Variants in MEI4 observed in about 807,000 individuals in gnomAD.
MEI4 encodes the protein meiosis-specific protein MEI4.
In MEI4, 27 loss-of-function variants were observed where a neutral mutation model predicts 31.4. The ratio of observed to expected loss-of-function variants is 0.86; its 90% CI spans 0.63 to 1.19. The LOEUF (loss-of-function observed/expected upper bound fraction) is 1.19. MEI4 is among the 50% of genes most tolerant of loss of function. The pLI is 0.00. For missense variants in MEI4, 329 were observed against 398.9 expected (o/e 0.82, Z 1.49); for synonymous variants, 122 against 145.4 (o/e 0.84, Z 1.16).
At position 77,924,746 on chromosome 6, in the gene MEI4, T is replaced by C. The variant is rs1184529407; in HGVS notation, c.*1400T>C. The C allele has an allele frequency of 6.6e-6, 1 of 151,852 alleles. No homozygotes were observed. The highest frequency in any genetic ancestry group is 1.5e-5 in the Non-Finnish European group (1 of 67,894). 9.4% of individuals were successfully genotyped at this position (151,852 alleles called of 1,614,324 possible). On this transcript the variant is annotated 3_prime_UTR_variant, in exon 5 of 5. Transcript: ENST00000684080. ...AATTGAGCAAGACGAAAGGCTAGGC[T>C]GAGAAATGTCACATTAGCACTTCCA...
intron 2 of MEI4, among the ~76,000 whole-genome samples, chr6:77,705,853 G>A: frequency 6.6e-6 from 1 of 152,178 alleles, no homozygotes; most frequent in East Asian, 1.9e-4. Context: ...AAATACATGA[G>A]AGAATACCAC....
intron 2 of MEI4, among the ~76,000 whole-genome samples, chr6:77,744,203 A>G (rs1186853288): frequency 6.6e-6 from 1 of 152,170 alleles, no homozygotes; most frequent in Non-Finnish European, 1.5e-5. Flanking sequence ...CCAAAGGCAA[A>G]GAAGTTAAAA....
chr6:77,847,649 C>T lies in MEI4; in HGVS notation c.900+18587C>T, dbSNP rs887823489. On this transcript the variant is annotated intron_variant, in intron 4 of 4. Transcript: ENST00000684080. The surrounding 1 kb of genome is among the most constrained non-coding windows in gnomAD (Gnocchi z 4.6). ...TCTAATCAGCATGGAAAGGAGCAGCCATTTCTTTCCTACTCCGATCTTTGT... is the reference window on the plus strand; with the variant it reads ...TCTAATCAGCATGGAAAGGAGCAGCTATTTCTTTCCTACTCCGATCTTTGT... Among the ~76,000 whole-genome samples the T allele has an allele frequency of 7.9e-5, 12 of 152,276 alleles. No individual in the cohort carries two copies. Among genetic ancestry groups the T allele is most frequent in the African/African-American group, 2.9e-4 (12 of 41,564 alleles).
chr6:77,750,575 C>T (rs1767743264), intron 2 of MEI4, among the ~76,000 whole-genome samples: 1 of 152,082 alleles, frequency 6.6e-6, no homozygotes, highest in Non-Finnish European at 1.5e-5. Context: ...GCTAATTATC[C>T]TAAATATATA....
intron 2 of MEI4, among the ~76,000 whole-genome samples, chr6:77,745,078 C>G (rs934374938): frequency 6.6e-6 from 1 of 152,138 alleles, no homozygotes; most frequent in African/African-American, 2.4e-5. Flanking sequence ...GCAAAATAAC[C>G]AGCTAGCATC....
intron 2 of MEI4, among the ~76,000 whole-genome samples, chr6:77,738,616 G>A (rs869283244): frequency 2.6e-5 from 4 of 152,038 alleles, no homozygotes; most frequent in African/African-American, 9.7e-5. Flanking sequence ...TCAGTAATGG[G>A]ATTTCTGGGT....
intron 3 of MEI4, among the ~76,000 whole-genome samples, chr6:77,782,806 A>G (rs1768627428): frequency 6.6e-6 from 1 of 152,208 alleles, no homozygotes; most frequent in Non-Finnish European, 1.5e-5. Flanking sequence ...TTTTGAATGA[A>G]TAACTTAATA....
chr6:77,754,116 T>C (rs1767853890), intron 2 of MEI4, among the ~76,000 whole-genome samples: 1 of 151,698 alleles, frequency 6.6e-6, no homozygotes. Flanking sequence ...AGGGGGGTTC[T>C]GGGGAGGGAT....
chr6:77,680,363 A>G (rs1377040622), intron 1 of MEI4, among the ~76,000 whole-genome samples: 2 of 151,976 alleles, frequency 1.3e-5, no homozygotes, highest in Non-Finnish European at 2.9e-5. Context: ...GTAGTGGGGT[A>G]AGTCGCATGG....
At chr6:77,708,868 G>A (rs1766391737) in intron 2 of MEI4, among the ~76,000 whole-genome samples, 1 of 152,196 alleles carries the variant, frequency 6.6e-6, no homozygotes, top group South Asian at 2.1e-4. Flanking sequence ...GCAGATGCCA[G>A]CACTGTGTTT....
At chr6:77,790,422 TAAAAAAG>T (rs1768889509) in intron 3 of MEI4, among the ~76,000 whole-genome samples, 1 of 151,836 alleles carries the variant, frequency 6.6e-6, no homozygotes, top group African/African-American at 2.4e-5. Context: ...CATTGAATGA[TAAAAAAG>T]AAGAAAGAAA....
chr6:77,813,285 G>A (rs138480062), intron 3 of MEI4, among the ~76,000 whole-genome samples: 41 of 152,194 alleles, frequency 2.7e-4, no homozygotes, highest in African/African-American at 9.4e-4. Context: ...CTATGAATGA[G>A]TTTCCTTTCA....
chr6:77,683,785 T>C (rs1298525067), intron 1 of MEI4, among the ~76,000 whole-genome samples: 2 of 152,174 alleles, frequency 1.3e-5, no homozygotes, highest in Admixed American at 6.6e-5. Context: ...TGTTAATCCA[T>C]TGATGGACAC....
intron 2 of MEI4, among the ~76,000 whole-genome samples, chr6:77,748,016 T>A (rs753337434): frequency 6.6e-6 from 1 of 152,224 alleles, no homozygotes; most frequent in Non-Finnish European, 1.5e-5. Flanking sequence ...TGACACCATG[T>A]CTCGCATCTG....
At chr6:77,736,316 T>A (rs369029242) in intron 2 of MEI4, among the ~76,000 whole-genome samples, 1 of 151,962 alleles carries the variant, frequency 6.6e-6, no homozygotes, top group East Asian at 1.9e-4. Context: ...CTCCGAGCCA[T>A]GTGCGGGATA....
rs1388693633 is a variant in MEI4, at chr6:77,923,884, AATTGCTTTTTATTT to A, written c.*542_*555del. ...GAACTTTTTTAACATTTGGAAACTT[AATTGCTTTTTATTT>A]ATTTCAATTTCATATGGCTAATACA... On this transcript the variant is annotated 3_prime_UTR_variant, in exon 5 of 5. Transcript: ENST00000684080. 1 of 151,784 alleles carries A rather than the reference AATTGCTTTTTATTT, an allele frequency of 6.6e-6. No individual in the cohort carries two copies. Among genetic ancestry groups the A allele is most frequent in the South Asian group, 2.1e-4 (1 of 4,828 alleles). 9.4% of individuals were successfully genotyped at this position (151,784 alleles called of 1,614,324 possible).
chr6:77,803,434 A>G (rs1390489104), intron 3 of MEI4, among the ~76,000 whole-genome samples: 2 of 152,044 alleles, frequency 1.3e-5, no homozygotes, highest in African/African-American at 4.8e-5. Flanking sequence ...CCTTTAGCTC[A>G]GAGTAGTTTG....
chr6:77,785,136 A>G (rs1169570303), intron 3 of MEI4, among the ~76,000 whole-genome samples: 1 of 152,174 alleles, frequency 6.6e-6, no homozygotes, highest in Non-Finnish European at 1.5e-5. Context: ...CTTATTGGAA[A>G]TCTATATGCC....
chr6:77,765,924 G>C (rs192119986), intron 3 of MEI4, among the ~76,000 whole-genome samples: 4 of 151,994 alleles, frequency 2.6e-5, no homozygotes, highest in African/African-American at 9.7e-5. Flanking sequence ...GCAAAGTATC[G>C]CAAGGACAAA....
Sources: allele counts gnomAD v4.1 joint callset (sites outside exome capture counted in the v4.1 genomes callset), GRCh38; gene constraint gnomAD v4.1.1; non-coding constraint Gnocchi (gnomAD v3.1); transcripts MANE v1.5; gene names NCBI Gene and HGNC (gene_info 2026-07-23, HGNC 2026-07-21).